Variants in CFAP221 observed in about 807,000 individuals in gnomAD.
CFAP221 encodes the protein cilia and flagella associated protein 221.
Under a neutral mutation model 113.1 loss-of-function variants are expected in CFAP221, and 97 were observed. The ratio of observed to expected loss-of-function variants is 0.86; its 90% CI spans 0.73 to 1.02. CFAP221 has a LOEUF of 1.02. Among genes scored for constraint, CFAP221 ranks in the 50% least tolerant of loss-of-function variants. The pLI is 0.00. For missense variants in CFAP221, 1,025 were observed against 1,013.4 expected (o/e 1.01, Z -0.16); for synonymous variants, 331 against 354.4 (o/e 0.93, Z 0.74).
At chr2:119,591,175 GAA>G (rs1683567837) in intron 7 of CFAP221, among the ~76,000 whole-genome samples, 1 of 152,158 alleles carries the variant, frequency 6.6e-6, no homozygotes, top group Admixed American at 6.5e-5. Context: ...TGCAGGGTTG[GAA>G]AAGAGTCCTT....
Position 119,638,415 on chromosome 2 carries a change from A to G in CFAP221, c.2131A>G (p.Thr711Ala), listed in dbSNP as rs1158596191. 6 of 1,614,030 alleles carry G rather than the reference A, an allele frequency of 3.7e-6. No individual in the cohort carries two copies. The highest frequency in any genetic ancestry group is 5.1e-6 in the Non-Finnish European group (6 of 1,179,994). ...PVTQKQFLHHTDIIPGIMHWK... is the reference protein window; with the variant it reads ...PVTQKQFLHHADIIPGIMHWK... ...CACCCAAAAGCAGTTTCTCCATCAC[A>G]CGGTAATGTCATCACCAGGCTCACT... The change falls in exon 20 of 24, where the codon ACG becomes GCG. Residue 711 changes from threonine (T) to alanine (A), a missense_variant and splice_region_variant. Transcript: ENST00000413369.
intron 12 of CFAP221, among the ~76,000 whole-genome samples, chr2:119,608,873 A>G (rs1039633258): frequency 6.6e-6 from 1 of 152,218 alleles, no homozygotes; most frequent in Non-Finnish European, 1.5e-5. Flanking sequence ...CAAAGAGGAC[A>G]AAGGCATTCA....
At chr2:119,602,992 T>C (rs1684470911) in intron 8 of CFAP221, among the ~76,000 whole-genome samples, 1 of 152,220 alleles carries the variant, frequency 6.6e-6, no homozygotes, top group Admixed American at 6.5e-5. Context: ...TCAAGGACTA[T>C]GTCTTAAGAT....
chr2:119,642,359 C>T (rs750719806), intron 21 of CFAP221, among the ~76,000 whole-genome samples: 60 of 151,964 alleles, frequency 3.9e-4, no homozygotes, highest in Non-Finnish European at 6.5e-4. Flanking sequence ...AATAAAATAC[C>T]ATAGATGTAA....
chr2:119,630,861 C>T lies in CFAP221; in HGVS notation c.1934C>T (p.Ala645Val). ...TSVLSMKPPE[A>V]LAMSLDYDPL... ...GTCTTGAGCATGAAACCACCTGAGG[C>T]CTTAGCCATGTCTCTAGATTATGAT... The change falls in exon 19 of 24, where the codon GCC becomes GTC. Residue 645 changes from alanine to valine, a missense_variant. By Grantham distance (64) the Ala-to-Val change is moderately conservative (BLOSUM62 0). Transcript: ENST00000413369. 4 of 1,613,480 alleles carry T rather than the reference C, an allele frequency of 2.5e-6. No homozygotes were observed. The highest frequency in any genetic ancestry group is 2.5e-6 in the Non-Finnish European group (3 of 1,179,366).
chr2:119,634,413 G>A (rs1482334578), intron 19 of CFAP221, among the ~76,000 whole-genome samples: 1 of 152,190 alleles, frequency 6.6e-6, no homozygotes, highest in Admixed American at 6.5e-5. Context: ...GTTGCAGTGA[G>A]CCATGATGGC....
intron 19 of CFAP221, 159 bp from the exon 20 acceptor site, chr2:119,638,100 C>T: frequency 1.8e-6 from 1 of 571,240 alleles, no homozygotes; most frequent in Non-Finnish European, 2.9e-6. Flanking sequence ...GACTTGAAGA[C>T]ACCTCTGCTC....
At chr2:119,563,683 G>T (rs186525969) in intron 6 of CFAP221, among the ~76,000 whole-genome samples, 1 of 152,290 alleles carries the variant, frequency 6.6e-6, no homozygotes, top group Non-Finnish European at 1.5e-5. Context: ...AAGTGCTGAT[G>T]GGTTGATATT....
At chr2:119,550,613 T>C (rs949195797) in intron 3 of CFAP221, among the ~76,000 whole-genome samples, 2 of 152,214 alleles carry the variant, frequency 1.3e-5, no homozygotes, top group African/African-American at 4.8e-5. Flanking sequence ...TATGCTGTGG[T>C]AGGATAGATC....
At chr2:119,603,803 A>G (rs965433191) in intron 8 of CFAP221, among the ~76,000 whole-genome samples, 4 of 152,204 alleles carry the variant, frequency 2.6e-5, no homozygotes, top group African/African-American at 9.6e-5. Context: ...TAATTTCTAA[A>G]AAAAGAAAAA....
intron 19 of CFAP221, among the ~76,000 whole-genome samples, chr2:119,635,591 A>G (rs1448388257): frequency 6.6e-6 from 1 of 152,154 alleles, no homozygotes; most frequent in Non-Finnish European, 1.5e-5. Context: ...GGTGATGGAA[A>G]TGTTCATTAT....
At chr2:119,596,693 G>T (rs1267471395) in intron 7 of CFAP221, among the ~76,000 whole-genome samples, 3 of 152,242 alleles carry the variant, frequency 2.0e-5, no homozygotes, top group Non-Finnish European at 4.4e-5. Context: ...ATTAAAATAA[G>T]TACTAGGGAT....
intron 15 of CFAP221, among the ~76,000 whole-genome samples, chr2:119,626,271 G>A (rs1171572596): frequency 1.3e-5 from 2 of 152,186 alleles, no homozygotes; most frequent in Admixed American, 1.3e-4. Flanking sequence ...CCCATCTGCA[G>A]AGTGCCTTTT....
intron 8 of CFAP221, among the ~76,000 whole-genome samples, chr2:119,604,316 C>T (rs1291197110): frequency 6.6e-6 from 1 of 151,942 alleles, no homozygotes; most frequent in African/African-American, 2.4e-5. Flanking sequence ...CGCATGTAGT[C>T]CCAGGTATGC....
chr2:119,647,090 C>A lies in CFAP221; in HGVS notation c.2318+40C>A, dbSNP rs758771778. On this transcript the variant is annotated intron_variant, in intron 22 of 23. Transcript: ENST00000413369. ...TTTAATCTTTGGCCTCTAATGTGGT[C>A]TGTTTTCCAAAAATATGTGAGGTGC... The A allele has an allele frequency of 5.9e-6, 9 of 1,529,218 alleles. No individual in the cohort carries two copies. The African/African-American group carries it at 8.4e-5, about 14-fold the overall frequency. 94.7% of individuals were successfully genotyped at this position (1,529,218 alleles called of 1,614,324 possible).
At chr2:119,587,620 C>A (rs1488006440) in intron 7 of CFAP221, among the ~76,000 whole-genome samples, 1 of 152,078 alleles carries the variant, frequency 6.6e-6, no homozygotes, top group Non-Finnish European at 1.5e-5. Context: ...TTTTTGCATG[C>A]CCCAGAGGAC....
At chr2:119,575,759 T>C (rs1682402127) in intron 6 of CFAP221, among the ~76,000 whole-genome samples, 2 of 152,190 alleles carry the variant, frequency 1.3e-5, no homozygotes, top group Admixed American at 1.3e-4. Context: ...TTATGTACAT[T>C]TTACCACATT....
At chr2:119,560,606 T>A (rs1053490710) in intron 5 of CFAP221, among the ~76,000 whole-genome samples, 1 of 152,108 alleles carries the variant, frequency 6.6e-6, no homozygotes, top group Non-Finnish European at 1.5e-5. Flanking sequence ...CCCTTTGCTC[T>A]ATAGTCCAGA....
At chr2:119,627,352 C>T (rs977289818) in intron 15 of CFAP221, among the ~76,000 whole-genome samples, 6 of 151,912 alleles carry the variant, frequency 3.9e-5, no homozygotes, top group African/African-American at 1.5e-4. Flanking sequence ...CTTGTGAATT[C>T]CATGGGTCTG....
Sources: allele counts gnomAD v4.1 joint callset (sites outside exome capture counted in the v4.1 genomes callset), GRCh38; gene constraint gnomAD v4.1.1; transcripts MANE v1.5; gene names NCBI Gene and HGNC (gene_info 2026-07-23, HGNC 2026-07-21).